Variants in ZNF385D observed in about 807,000 individuals in gnomAD.
ZNF385D encodes the protein zinc finger protein 385D.
ZNF385D carries 15 observed loss-of-function variants against 35.8 expected under a neutral mutation model. That is an observed-to-expected ratio of 0.42 (90% CI 0.28 to 0.64). The LOEUF (loss-of-function observed/expected upper bound fraction) is 0.64, where lower values mean the gene tolerates loss of function less well. Ranked by LOEUF, ZNF385D falls within the 30% of genes least tolerant of loss-of-function variation. The pLI, the probability that ZNF385D is intolerant of heterozygous loss-of-function variation, is 0.23. For missense variants in ZNF385D, 474 were observed against 494.6 expected, an observed-to-expected ratio of 0.96 and a Z score of 0.39; for synonymous variants, 212 against 186.8, an observed-to-expected ratio of 1.13 and a Z score of -1.10.
At chr3:21,934,759 G>A (rs868664631) in intron 3 of ZNF385D, among the ~76,000 whole-genome samples, 16 of 152,286 alleles carry the variant, frequency 1.1e-4, no homozygotes, top group Middle Eastern at 3.4e-3. Context: ...CCTTGAGGAA[G>A]GCTGCTTTGG....
chr3:21,621,307 G>T (rs1408235374), intron 2 of ZNF385D, among the ~76,000 whole-genome samples: 1 of 152,046 alleles, frequency 6.6e-6, no homozygotes, highest in Non-Finnish European at 1.5e-5. Flanking sequence ...TAAAGTAAAT[G>T]GAATTAATGG....
intron 2 of ZNF385D, among the ~76,000 whole-genome samples, chr3:22,260,703 T>G (rs1205362335): frequency 1.3e-5 from 2 of 151,896 alleles, no homozygotes; most frequent in Non-Finnish European, 2.9e-5. Flanking sequence ...TTACCTAACA[T>G]AAAAAATACC....
intron 2 of ZNF385D, among the ~76,000 whole-genome samples, chr3:22,358,166 A>C (rs779971726): frequency 2.6e-5 from 4 of 151,942 alleles, no homozygotes; most frequent in Non-Finnish European, 5.9e-5. Flanking sequence ...AGACTTTTGG[A>C]TGTGACACAA....
intron 2 of ZNF385D, among the ~76,000 whole-genome samples, chr3:21,591,840 C>T (rs1010185437): frequency 6.6e-6 from 1 of 152,268 alleles, no homozygotes. Flanking sequence ...AGCCTAGGAA[C>T]CTTTGTCTTT....
intron 2 of ZNF385D, among the ~76,000 whole-genome samples, chr3:21,632,916 T>A (rs1462672142): frequency 6.6e-6 from 1 of 152,156 alleles, no homozygotes. Context: ...GCATTCTATC[T>A]ATTTTATTTA....
At chr3:22,124,305 GCATTTTCATTATC>G (rs1426057618) in intron 3 of ZNF385D, among the ~76,000 whole-genome samples, 2 of 151,932 alleles carry the variant, frequency 1.3e-5, no homozygotes, top group Non-Finnish European at 2.9e-5. Context: ...TATAAGTACC[GCATTTTCATTATC>G]CATTCATCTG....
At chr3:21,924,572 C>A (rs890912564) in intron 3 of ZNF385D, among the ~76,000 whole-genome samples, 22 of 152,146 alleles carry the variant, frequency 1.4e-4, no homozygotes, top group African/African-American at 1.9e-4. Flanking sequence ...TAGGTTTCAA[C>A]CTCTCTAATC....
chr3:21,536,615 T>C (rs2062040827), intron 3 of ZNF385D, among the ~76,000 whole-genome samples: 1 of 152,102 alleles, frequency 6.6e-6, no homozygotes, highest in African/African-American at 2.4e-5. Context: ...GAAGCAATAC[T>C]CTAATACTTA....
intron 2 of ZNF385D, among the ~76,000 whole-genome samples, chr3:22,216,971 T>C (rs1468388256): frequency 2.6e-5 from 4 of 152,150 alleles, no homozygotes; most frequent in Non-Finnish European, 5.9e-5. Context: ...AGTAGAAGCA[T>C]CTGTCTTGAA....
chr3:22,290,128 G>A (rs1455060788), intron 2 of ZNF385D, among the ~76,000 whole-genome samples: 1 of 152,104 alleles, frequency 6.6e-6, no homozygotes, highest in East Asian at 1.9e-4. Context: ...TCCAAGGCAG[G>A]TGGATTAAGA....
chr3:21,802,651 C>T (rs1398472049), intron 3 of ZNF385D, among the ~76,000 whole-genome samples: 1 of 152,182 alleles, frequency 6.6e-6, no homozygotes, highest in Non-Finnish European at 1.5e-5. Context: ...ATTTTCTTAC[C>T]CTGGACGTAG....
chr3:21,777,100 C>A (rs2071318294), intron 3 of ZNF385D, among the ~76,000 whole-genome samples: 2 of 152,074 alleles, frequency 1.3e-5, no homozygotes, highest in African/African-American at 2.4e-5. Flanking sequence ...CATTTGAAAT[C>A]ATCAGGCTTG....
chr3:21,615,007 T>TC (rs1305340914), intron 2 of ZNF385D, among the ~76,000 whole-genome samples: 1 of 152,128 alleles, frequency 6.6e-6, no homozygotes, highest in Admixed American at 6.5e-5. Flanking sequence ...CAACAAAACC[T>TC]CCCCCAGTGG....
intron 3 of ZNF385D, among the ~76,000 whole-genome samples, chr3:21,841,760 G>A (rs1213290938): frequency 6.6e-6 from 1 of 151,756 alleles, no homozygotes; most frequent in African/African-American, 2.4e-5. Flanking sequence ...AATTTAGGAA[G>A]ACCTTGACTT....
chr3:21,876,061 C>G (rs1697947682), intron 3 of ZNF385D, among the ~76,000 whole-genome samples: 1 of 152,016 alleles, frequency 6.6e-6, no homozygotes, highest in South Asian at 2.1e-4. Context: ...AGAAGTACTG[C>G]TTTACAGTCT....
intron 3 of ZNF385D, among the ~76,000 whole-genome samples, chr3:21,967,564 G>A (rs1460632536): frequency 4.6e-5 from 7 of 152,162 alleles, no homozygotes; most frequent in Non-Finnish European, 1.0e-4. Context: ...TTATAGAGGG[G>A]AGCTAAATTT....
chr3:21,959,322 A>G lies in ZNF385D; in HGVS notation c.325+209495T>C, dbSNP rs1051133729. Among the ~76,000 whole-genome samples, 15 of 152,288 alleles carry G rather than the reference A, an allele frequency of 9.8e-5. 1 individual carries two copies. Among genetic ancestry groups the G allele is most frequent in the Admixed American group, 9.8e-4 (15 of 15,282 alleles). ...CAAATAAAAACAAATGAAGATGCTG[A>G]ATGCAGCTAAGGAAATGCAATTGCT... On this transcript the variant is annotated intron_variant, in intron 3 of 5. Transcript: ENST00000494108.
chr3:22,205,276 C>G (rs1181675223), intron 2 of ZNF385D, among the ~76,000 whole-genome samples: 2 of 151,726 alleles, frequency 1.3e-5, no homozygotes, highest in Non-Finnish European at 2.9e-5. Flanking sequence ...TGAAAATATC[C>G]TTCAAACAGT....
intron 3 of ZNF385D, among the ~76,000 whole-genome samples, chr3:21,524,399 C>A (rs746830214): frequency 1.3e-5 from 2 of 152,224 alleles, no homozygotes; most frequent in Admixed American, 6.5e-5. Context: ...AAGACTCCAA[C>A]TGACCATTTA....
Sources: allele counts gnomAD v4.1 joint callset (sites outside exome capture counted in the v4.1 genomes callset), GRCh38; gene constraint gnomAD v4.1.1; transcripts MANE v1.5; gene names NCBI Gene and HGNC (gene_info 2026-07-23, HGNC 2026-07-21).